The following PEX14 variants were observed in gnomAD, a reference collection of about 807,000 sequenced individuals.
The protein encoded by PEX14 is peroxisomal membrane protein PEX14.
Under a neutral mutation model 49.5 loss-of-function variants are expected in PEX14, and 15 were observed. The observed-to-expected ratio is 0.30, with a 90% CI of 0.20 to 0.47. The LOEUF is 0.47. Among genes scored for constraint, PEX14 ranks in the 20% least tolerant of loss-of-function variants. The pLI, the probability that PEX14 is intolerant of heterozygous loss-of-function variation, is 1.00. For synonymous variants in PEX14, 210 were observed against 212.7 expected, an observed-to-expected ratio of 0.99 and a Z score of 0.11; for missense variants, 398 against 494.8, an observed-to-expected ratio of 0.80 and a Z score of 1.86.
intron 1 of PEX14, among the ~76,000 whole-genome samples, chr1:10,480,208 T>TTTTG (rs1452309347): frequency 2.8e-4 from 43 of 151,434 alleles, no homozygotes; most frequent in African/African-American, 9.5e-4. Context: ...ATGTTTTTTT[T>TTTTG]TTTTGTTTTG....
At chr1:10,485,042 A>C (rs1171561226) in intron 1 of PEX14, among the ~76,000 whole-genome samples, 1 of 151,816 alleles carries the variant, frequency 6.6e-6, no homozygotes, top group Non-Finnish European at 1.5e-5. Flanking sequence ...AGGGGCATGG[A>C]TACCAGGAGG....
At chr1:10,565,470 T>C (rs1457668923) in intron 3 of PEX14, among the ~76,000 whole-genome samples, 8 of 152,132 alleles carry the variant, frequency 5.3e-5, no homozygotes, top group Admixed American at 3.3e-4. Flanking sequence ...CTTGGTGGGG[T>C]GAACCCTAAT....
rs868030762 is a variant in PEX14 at position 10,512,704 on chromosome 1, A to G, written c.84+17383A>G. The stretch of plus-strand genomic sequence containing the variant: ...TGTTCTTTTCCTTCTTTTTTTTTTT[A>G]ACTTTTATTTTTTATGATGGAGTCT... On this transcript the variant is annotated intron_variant, in intron 2 of 8. Coordinates refer to ENST00000356607, the MANE Select transcript of PEX14 (RefSeq NM_004565.3). The surrounding 1 kb of genome is among the most constrained non-coding windows in gnomAD (Gnocchi z 4.6). Among the ~76,000 whole-genome samples the G allele has an allele frequency of 1.3e-4, 19 of 149,592 alleles. No homozygotes were observed. Among genetic ancestry groups the G allele is most frequent in the African/African-American group, 4.4e-4 (18 of 40,486 alleles).
intron 5 of PEX14, among the ~76,000 whole-genome samples, chr1:10,620,001 G>C (rs1169287093): frequency 6.6e-6 from 1 of 152,152 alleles, no homozygotes; most frequent in African/African-American, 2.4e-5. Context: ...TGCAGTCCCA[G>C]CTACTGGGGA....
At chr1:10,582,796 C>T (rs560238354) in intron 3 of PEX14, among the ~76,000 whole-genome samples, 18 of 152,272 alleles carry the variant, frequency 1.2e-4, no homozygotes, top group Admixed American at 4.6e-4. Context: ...TGCAATGGCA[C>T]GATCTCAGCT....
rs879900066 is a variant in PEX14, at chr1:10,529,904, T to C, written c.85-6309T>C. On this transcript the variant is annotated intron_variant, in intron 2 of 8. Transcript: ENST00000356607. The surrounding 1 kb of genome is among the most constrained non-coding windows in gnomAD (Gnocchi z 4.2). ...ATAGTGTTGTAACCCAAATCAACAA[T>C]GGGAAGGACACAGTGACAAAACCCA... is the stretch of plus-strand genomic sequence containing the variant. 2.0e-5 allele frequency among the ~76,000 whole-genome samples: 3 copies of C among 152,100 alleles called. No individual in the cohort carries two copies. Among genetic ancestry groups the C allele is most frequent in the Non-Finnish European group, 4.4e-5 (3 of 68,026 alleles).
At chr1:10,622,406 A>AG in intron 5 of PEX14, among the ~76,000 whole-genome samples, 1 of 152,324 alleles carries the variant, frequency 6.6e-6, no homozygotes, top group African/African-American at 2.4e-5. Context: ...AAAAAGACTG[A>AG]GGTGACCTCT....
intron 3 of PEX14, among the ~76,000 whole-genome samples, chr1:10,598,757 CATAAA>C (rs1182433794): frequency 6.6e-6 from 1 of 152,198 alleles, no homozygotes; most frequent in Non-Finnish European, 1.5e-5. Context: ...CTGCATTTGT[CATAAA>C]ATAAAGCAAA....
intron 2 of PEX14, among the ~76,000 whole-genome samples, chr1:10,500,980 G>T (rs749061214): frequency 3.3e-5 from 5 of 152,212 alleles, no homozygotes; most frequent in African/African-American, 4.8e-5. Flanking sequence ...TAAGCATTTT[G>T]TGGGGAAATA....
intron 3 of PEX14, among the ~76,000 whole-genome samples, chr1:10,590,263 C>T (rs1401996558): frequency 3.3e-5 from 5 of 152,232 alleles, no homozygotes; most frequent in African/African-American, 1.2e-4. Flanking sequence ...AGTCGTGCCC[C>T]TCGGCAGGCC....
At chr1:10,598,046 C>T (rs1337389399) in intron 3 of PEX14, among the ~76,000 whole-genome samples, 4 of 152,234 alleles carry the variant, frequency 2.6e-5, no homozygotes, top group Non-Finnish European at 5.9e-5. Context: ...CATCTACCCC[C>T]AGGGGCAAAT....
At chr1:10,500,407 A>T (rs557699413) in intron 2 of PEX14, among the ~76,000 whole-genome samples, 1 of 151,038 alleles carries the variant, frequency 6.6e-6, no homozygotes, top group South Asian at 2.1e-4. Context: ...AAAAAAGAAA[A>T]GAAAAGAATA....
chr1:10,512,759 C>T lies in PEX14; in HGVS notation c.84+17438C>T, dbSNP rs999443354. Among the ~76,000 whole-genome samples, 8 of 151,740 alleles carry T rather than the reference C, an allele frequency of 5.3e-5. No individual in the cohort carries two copies. The highest frequency in any genetic ancestry group is 1.0e-4 in the Non-Finnish European group (7 of 67,984). On this transcript the variant is annotated intron_variant, in intron 2 of 8. Coordinates refer to ENST00000356607, the MANE Select transcript of PEX14 (RefSeq NM_004565.3). This position sits in a 1 kb window ranked among gnomAD's most constrained non-coding sequence, Gnocchi z 4.6. ...CTGTCGCCAGGCTGGAGTGCAGTGG[C>T]GTGATGTCGGCTCACTGCAACCTCC... is the stretch of plus-strand genomic sequence containing the variant.
chr1:10,479,986 G>T (rs971539897), intron 1 of PEX14, among the ~76,000 whole-genome samples: 5 of 152,070 alleles, frequency 3.3e-5, no homozygotes, highest in Non-Finnish European at 7.3e-5. Flanking sequence ...TCCAGCCTGG[G>T]CAACAGAGTG....
chr1:10,572,318 C>A (rs1230524480), intron 3 of PEX14, among the ~76,000 whole-genome samples: 2 of 152,132 alleles, frequency 1.3e-5, no homozygotes, highest in Non-Finnish European at 2.9e-5. Flanking sequence ...GAGGATAAAT[C>A]TATAAAGCAC....
intron 3 of PEX14, among the ~76,000 whole-genome samples, chr1:10,569,029 C>G (rs1398442586): frequency 6.6e-6 from 1 of 152,154 alleles, no homozygotes; most frequent in Non-Finnish European, 1.5e-5. Flanking sequence ...GCATGAGCCA[C>G]TGTGCCTGGC....
intron 2 of PEX14, among the ~76,000 whole-genome samples, chr1:10,513,089 A>G (rs1170311711): frequency 2.0e-5 from 3 of 152,152 alleles, no homozygotes; most frequent in Non-Finnish European, 4.4e-5. Context: ...TTTTTCCTGT[A>G]TGCCTCCAAT....
At chr1:10,578,817 G>A (rs1640227276) in intron 3 of PEX14, among the ~76,000 whole-genome samples, 1 of 152,090 alleles carries the variant, frequency 6.6e-6, no homozygotes, top group Non-Finnish European at 1.5e-5. Flanking sequence ...AGCAGATTGG[G>A]CATAACAGAA....
At chr1:10,581,768 A>T (rs928693527) in intron 3 of PEX14, among the ~76,000 whole-genome samples, 3 of 149,300 alleles carry the variant, frequency 2.0e-5, no homozygotes, top group African/African-American at 7.3e-5. Flanking sequence ...TTATAAATTT[A>T]TAATAATTTA....
Sources: allele counts gnomAD v4.1 joint callset (sites outside exome capture counted in the v4.1 genomes callset), GRCh38; gene constraint gnomAD v4.1.1; non-coding constraint Gnocchi (gnomAD v3.1); transcripts MANE v1.5; gene names NCBI Gene and HGNC (gene_info 2026-07-23, HGNC 2026-07-21).